PCP4: variants seen among roughly 807,000 people sequenced by gnomAD.
The protein encoded by PCP4 is calmodulin regulator protein PCP4.
PCP4 carries 8 observed loss-of-function variants against 10.0 expected under a neutral mutation model. That is an observed-to-expected ratio of 0.80 (90% CI 0.47 to 1.45). PCP4 has a LOEUF of 1.45. PCP4 is among the 40% of genes most tolerant of loss of function. The probability of loss-of-function intolerance (pLI) is 0.00; values close to 1 mark genes in which losing one functional copy is unlikely to be tolerated. For missense variants in PCP4, 54 were observed against 74.4 expected (o/e 0.73, Z 1.01); for synonymous variants, 21 against 23.0 (o/e 0.91, Z 0.24).
chr21:39,921,735 C>T (rs1488999737), intron 2 of PCP4, among the ~76,000 whole-genome samples: 1 of 152,218 alleles, frequency 6.6e-6, no homozygotes, highest in Non-Finnish European at 1.5e-5. Flanking sequence ...AGAGAGGCCT[C>T]ACGAGAAACC....
At chr21:39,926,682 C>T (rs1485593106) in intron 2 of PCP4, among the ~76,000 whole-genome samples, 2 of 152,218 alleles carry the variant, frequency 1.3e-5, no homozygotes, top group Non-Finnish European at 1.5e-5. Flanking sequence ...AACACTGGAG[C>T]CATTTGCATT....
chr21:39,923,449 C>G (rs1237443570), intron 2 of PCP4, among the ~76,000 whole-genome samples: 1 of 152,234 alleles, frequency 6.6e-6, no homozygotes, highest in Non-Finnish European at 1.5e-5. Flanking sequence ...TTGACCAGAG[C>G]ATGCCTGTAC....
intron 2 of PCP4, among the ~76,000 whole-genome samples, chr21:39,918,291 A>G (rs990235896): frequency 5.9e-5 from 9 of 152,314 alleles, no homozygotes; most frequent in African/African-American, 1.7e-4. Flanking sequence ...GTAATCGATA[A>G]GCATGGATTT....
At chr21:39,870,713 G>A (rs1174180069) in intron 1 of PCP4, among the ~76,000 whole-genome samples, 1 of 152,200 alleles carries the variant, frequency 6.6e-6, no homozygotes, top group East Asian at 1.9e-4. Context: ...AAAACGTGAC[G>A]CCCTTGCCCT....
At chr21:39,914,293 A>G (rs888642957) in intron 2 of PCP4, among the ~76,000 whole-genome samples, 3 of 152,084 alleles carry the variant, frequency 2.0e-5, no homozygotes, top group African/African-American at 7.2e-5. Context: ...TAAAGTCAAA[A>G]TCTTTGGCCA....
At chr21:39,910,800 C>A (rs1390540646) in intron 2 of PCP4, among the ~76,000 whole-genome samples, 1 of 152,226 alleles carries the variant, frequency 6.6e-6, no homozygotes, top group Non-Finnish European at 1.5e-5. Flanking sequence ...GGTTGCAGGG[C>A]CCCTGAGCTG....
intron 1 of PCP4, among the ~76,000 whole-genome samples, chr21:39,884,266 G>A (rs577157635): frequency 2.7e-5 from 4 of 150,824 alleles, no homozygotes; most frequent in African/African-American, 4.9e-5. Flanking sequence ...TGCAACCTCC[G>A]CCTCCCAGGT....
At chr21:39,922,246 A>G (rs912534403) in intron 2 of PCP4, among the ~76,000 whole-genome samples, 9 of 152,238 alleles carry the variant, frequency 5.9e-5, no homozygotes, top group African/African-American at 2.2e-4. Context: ...ATATTTGCCC[A>G]TCAAATGATC....
chr21:39,909,796 TTTTC>T (rs918594656), intron 2 of PCP4, among the ~76,000 whole-genome samples: 8 of 30,722 alleles, frequency 2.6e-4, no homozygotes, highest in African/African-American at 4.5e-4. Flanking sequence ...CTTTCTTTTC[TTTTC>T]TTTTTTTTTT....
At chr21:39,882,940 T>C (rs2087382891) in intron 1 of PCP4, among the ~76,000 whole-genome samples, 2 of 152,228 alleles carry the variant, frequency 1.3e-5, no homozygotes, top group South Asian at 4.1e-4. Context: ...ACTGTGAGAA[T>C]ATAACCTTGT....
intron 2 of PCP4, among the ~76,000 whole-genome samples, chr21:39,908,440 G>T (rs560783371): frequency 6.6e-6 from 1 of 152,304 alleles, no homozygotes; most frequent in Non-Finnish European, 1.5e-5. Context: ...CTGAACGGAA[G>T]GCCCCGCTAG....
intron 1 of PCP4, among the ~76,000 whole-genome samples, chr21:39,881,016 AT>A (rs200531997): frequency 6.6e-6 from 1 of 151,380 alleles, no homozygotes; most frequent in African/African-American, 2.4e-5. Context: ...TGTGCATTTT[AT>A]TTTTTTTTGT....
At chr21:39,890,894 G>GT (rs146951823) in intron 1 of PCP4, among the ~76,000 whole-genome samples, 4 of 152,102 alleles carry the variant, frequency 2.6e-5, no homozygotes, top group African/African-American at 9.6e-5. Flanking sequence ...AAGTAATTGA[G>GT]TTTTTTGTTT....
intron 1 of PCP4, among the ~76,000 whole-genome samples, chr21:39,875,416 AT>A (rs1400828523): frequency 6.6e-6 from 1 of 152,198 alleles, no homozygotes; most frequent in East Asian, 1.9e-4. Context: ...AAGTCTGCCC[AT>A]GTCCAAGACG....
intron 1 of PCP4, among the ~76,000 whole-genome samples, chr21:39,881,988 G>T (rs953661378): frequency 5.3e-5 from 8 of 152,204 alleles, no homozygotes; most frequent in African/African-American, 1.9e-4. Context: ...TCTCCATCCA[G>T]TCGGGATAAA....
intron 2 of PCP4, among the ~76,000 whole-genome samples, chr21:39,927,148 C>T (rs1338327119): frequency 1.3e-5 from 2 of 152,120 alleles, no homozygotes; most frequent in Non-Finnish European, 2.9e-5. Flanking sequence ...TGATTAGGAT[C>T]TAGGAAAATT....
chr21:39,922,292 A>T lies in PCP4; in HGVS notation c.62-6692A>T, dbSNP rs572053202. Among the ~76,000 whole-genome samples, 18 of 152,294 alleles carry T rather than the reference A, an allele frequency of 1.2e-4. No homozygotes were observed. The South Asian group carries it at 3.7e-3, about 32-fold the overall frequency. The stretch of plus-strand genomic sequence containing the variant: ...AATCTACTTGAGTATATGAGGGAGG[A>T]TCTATTTAATGCTCAATAAAGAGTG... On this transcript the variant is annotated intron_variant, in intron 2 of 2. Coordinates refer to ENST00000328619, the MANE Select transcript of PCP4 (RefSeq NM_006198.3).
intron 1 of PCP4, among the ~76,000 whole-genome samples, chr21:39,873,875 A>G (rs961142457): frequency 1.3e-5 from 2 of 152,204 alleles, no homozygotes; most frequent in Non-Finnish European, 2.9e-5. Flanking sequence ...GTCTGCTTGT[A>G]TATTGTTTAT....
intron 2 of PCP4, among the ~76,000 whole-genome samples, chr21:39,921,436 G>C (rs963728571): frequency 6.6e-6 from 1 of 152,152 alleles, no homozygotes; most frequent in African/African-American, 2.4e-5. Flanking sequence ...AAATGACTAC[G>C]TAAGTCCAAA....
Sources: gnomAD v4.1 joint callset for allele counts (sites outside exome capture counted in the v4.1 genomes callset) on GRCh38, gnomAD v4.1.1 for gene constraint, MANE v1.5 for transcripts, NCBI Gene and HGNC (gene_info 2026-07-23, HGNC 2026-07-21) for gene names.